The following IL1RAPL1 variants were observed in gnomAD, a reference collection of about 807,000 sequenced individuals.
The protein encoded by IL1RAPL1 is interleukin-1 receptor accessory protein-like 1.
Under a neutral mutation model 48.4 loss-of-function variants are expected in IL1RAPL1, and 3 were observed. That is an observed-to-expected ratio of 0.06 (90% CI 0.03 to 0.16). The LOEUF (loss-of-function observed/expected upper bound fraction) is 0.16. Among genes scored for constraint, IL1RAPL1 ranks in the 10% least tolerant of loss-of-function variants. The probability of loss-of-function intolerance (pLI) is 1.00; values close to 1 mark genes in which losing one functional copy is unlikely to be tolerated. For synonymous variants in IL1RAPL1, 185 were observed against 187.7 expected (o/e 0.99, Z 0.12); for missense variants, 349 against 530.6 (o/e 0.66, Z 3.36).
At chrX:29,227,493 A>G (rs903393730) in intron 2 of IL1RAPL1, among the ~76,000 whole-genome samples, 1 of 111,684 alleles carries the variant, frequency 9.0e-6, no homozygotes, top group East Asian at 2.8e-4. Flanking sequence ...TTAATTTGAC[A>G]GTCTCCTTTT....
chrX:29,464,756 A>AG (rs1934842934), intron 5 of IL1RAPL1, among the ~76,000 whole-genome samples: 1 of 112,398 alleles, frequency 8.9e-6, no homozygotes, highest in Non-Finnish European at 1.9e-5. Flanking sequence ...GCCATAAAAA[A>AG]GAATGAGATA....
chrX:29,298,580 A>G lies in IL1RAPL1; in HGVS notation c.362+15363A>G, dbSNP rs186733144. On this transcript the variant is annotated intron_variant, in intron 3 of 10. Transcript: ENST00000378993. ...AAGGCACACCTTTCTTCCTTCCCAA[A>G]TTGTAGCATGATGCATTGCCCCAGA... is the stretch of plus-strand genomic sequence containing the variant. Among the ~76,000 whole-genome samples, 3 of 111,785 alleles carry G rather than the reference A, an allele frequency of 2.7e-5. No individual in the cohort carries two copies. The Admixed American group carries it at 2.8e-4, about 11-fold the overall frequency.
Position 28,768,778 on chromosome X carries a change from T to TATATAC in IL1RAPL1, c.-24-20541_-24-20540insTATACA, listed in dbSNP as rs768805531. On this transcript the variant is annotated intron_variant, in intron 1 of 10. Transcript: ENST00000378993. ...CTCTATATATATATATATATATATA[T>TATATAC]ACACACACTATATATATACAGACAT... is the stretch of plus-strand genomic sequence containing the variant. 8.8e-3 allele frequency among the ~76,000 whole-genome samples: 668 copies of TATATAC among 76,241 alleles called. 12 individuals carry two copies. The highest frequency in any genetic ancestry group is 0.014 in the Non-Finnish European group (567 of 39,882). The allele number at this position is 76,241 out of a possible 115,157, so 66.2% of individuals were successfully genotyped here.
At chrX:28,875,116 T>G (rs1171053896) in intron 2 of IL1RAPL1, among the ~76,000 whole-genome samples, 1 of 111,998 alleles carries the variant, frequency 8.9e-6, no homozygotes, top group Non-Finnish European at 1.9e-5. Context: ...GTGCAATTCA[T>G]AGAAGTAGGG....
chrX:28,814,257 C>T (rs994941987), intron 2 of IL1RAPL1, among the ~76,000 whole-genome samples: 5 of 108,871 alleles, frequency 4.6e-5, no homozygotes, highest in African/African-American at 1.7e-4. Context: ...CCACAGACTC[C>T]CACTATTCTA....
intron 5 of IL1RAPL1, among the ~76,000 whole-genome samples, chrX:29,561,291 G>A (rs944956172): frequency 8.9e-5 from 10 of 112,210 alleles, no homozygotes; most frequent in African/African-American, 3.2e-4. Flanking sequence ...GAGGCTATGG[G>A]TAGGGATGGA....
At chrX:28,761,961 A>T (rs6628385) in intron 1 of IL1RAPL1, among the ~76,000 whole-genome samples, 5,440 of 111,531 alleles carry the variant, frequency 0.049, 259 homozygotes, top group East Asian at 0.31. Context: ...GCTATCTATA[A>T]TATGAGTCTA....
Position 29,476,872 on chromosome X carries a change from C to CTTTTTTTT in IL1RAPL1, c.703+77576_703+77583dup, listed in dbSNP as rs1198120274. On this transcript the variant is annotated intron_variant, in intron 5 of 10. Coordinates refer to ENST00000378993, the MANE Select transcript of IL1RAPL1 (RefSeq NM_014271.4). ...GACTCATTTACTTTTTACCCATATT[C>CTTTTTTTT]TTTTTTTTTTTTTTTTTTTGAGACG... Among the ~76,000 whole-genome samples the CTTTTTTTT allele has an allele frequency of 9.3e-5, 5 of 53,893 alleles. 2 individuals are homozygous for CTTTTTTTT. Among genetic ancestry groups the CTTTTTTTT allele is most frequent in the African/African-American group, 6.8e-4 (5 of 7,321 alleles). 46.8% of individuals were successfully genotyped at this position (53,893 alleles called of 115,157 possible). A position where few individuals can be genotyped will look rare whatever the true frequency, so the allele number is the denominator to read the frequency against.
At chrX:29,182,808 A>C (rs1486305549) in intron 2 of IL1RAPL1, among the ~76,000 whole-genome samples, 2 of 111,723 alleles carry the variant, frequency 1.8e-5, no homozygotes, top group Non-Finnish European at 3.8e-5. Flanking sequence ...ATGATTAAAT[A>C]AAGATCTTGA....
intron 2 of IL1RAPL1, among the ~76,000 whole-genome samples, chrX:29,123,581 G>T (rs1928841425): frequency 8.9e-6 from 1 of 111,957 alleles, no homozygotes; most frequent in Non-Finnish European, 1.9e-5. Flanking sequence ...ATTACTGTTG[G>T]CTATGTCATT....
intron 1 of IL1RAPL1, among the ~76,000 whole-genome samples, chrX:28,615,199 GTTTTTTTTTTTTTTTTTTTTTT>G (rs778402885): frequency 3.8e-5 from 1 of 26,062 alleles, no homozygotes; most frequent in African/African-American, 1.4e-4. Flanking sequence ...ACTGTTGTCT[GTTTTTTTTTTTTTTTTTTTTTT>G]TTTTTTTTTT....
intron 2 of IL1RAPL1, among the ~76,000 whole-genome samples, chrX:29,199,509 G>A (rs150146308): frequency 1.3e-3 from 147 of 111,561 alleles, no homozygotes; most frequent in African/African-American, 4.7e-3. Flanking sequence ...CAGTTTTTGC[G>A]CAGATTAGGG....
chrX:29,547,331 C>T (rs1012566269), intron 5 of IL1RAPL1, among the ~76,000 whole-genome samples: 2 of 110,826 alleles, frequency 1.8e-5, no homozygotes, highest in South Asian at 3.8e-4. Flanking sequence ...GTCTAAGGTC[C>T]GTGATGCCCA....
intron 7 of IL1RAPL1, among the ~76,000 whole-genome samples, chrX:29,918,144 A>AAAAAATATATAT (rs1555935868): frequency 4.2e-5 from 1 of 23,767 alleles, no homozygotes; most frequent in African/African-American, 2.4e-4. Context: ...AAAAAAAAAA[A>AAAAAATATATAT]ATATATATAT....
At chrX:29,401,251 T>A (rs765855366) in intron 5 of IL1RAPL1, among the ~76,000 whole-genome samples, 6 of 111,906 alleles carry the variant, frequency 5.4e-5, no homozygotes, top group African/African-American at 1.9e-4. Context: ...TTATCATAAA[T>A]ACTTATATGT....
intron 8 of IL1RAPL1, among the ~76,000 whole-genome samples, chrX:29,933,402 T>G (rs1244316389): frequency 8.9e-6 from 1 of 111,765 alleles, no homozygotes; most frequent in Non-Finnish European, 1.9e-5. Flanking sequence ...AAAAGTTTAT[T>G]CCTAACTTAA....
intron 6 of IL1RAPL1, among the ~76,000 whole-genome samples, chrX:29,884,689 C>G (rs1189400477): frequency 1.8e-5 from 2 of 111,408 alleles, no homozygotes; most frequent in East Asian, 2.8e-4. Flanking sequence ...ATAGACACTC[C>G]AAACTCCATA....
chrX:29,643,152 T>C (rs1466541427), intron 5 of IL1RAPL1, among the ~76,000 whole-genome samples: 1 of 112,406 alleles, frequency 8.9e-6, no homozygotes, highest in African/African-American at 3.2e-5. Flanking sequence ...TTTTCTCTTG[T>C]TGTCTTCTTT....
chrX:29,718,077 A>G (rs1164903325), intron 6 of IL1RAPL1, among the ~76,000 whole-genome samples: 2 of 111,820 alleles, frequency 1.8e-5, no homozygotes, highest in Non-Finnish European at 3.8e-5. Context: ...CATAAATGCA[A>G]GGTATGGACG....
Sources: gnomAD v4.1 joint callset for allele counts (sites outside exome capture counted in the v4.1 genomes callset) on GRCh38, gnomAD v4.1.1 for gene constraint, MANE v1.5 for transcripts, NCBI Gene and HGNC (gene_info 2026-07-23, HGNC 2026-07-21) for gene names.